The following PIGK variants were observed in gnomAD, a reference collection of about 807,000 sequenced individuals.
PIGK encodes the protein phosphatidylinositol glycan anchor biosynthesis class K, also known as GPI-anchor transamidase.
In PIGK, 42 loss-of-function variants were observed where a neutral mutation model predicts 50.6. That is an observed-to-expected ratio of 0.83 (90% CI 0.65 to 1.07). The LOEUF (loss-of-function observed/expected upper bound fraction) is 1.07, where lower values mean the gene tolerates loss of function less well. PIGK is among the 50% of genes least tolerant of loss of function. The pLI is 0.00. For synonymous variants in PIGK, 151 were observed against 156.0 expected, an observed-to-expected ratio of 0.97 and a Z score of 0.24; for missense variants, 448 against 488.7, an observed-to-expected ratio of 0.92 and a Z score of 0.78.
intron 9 of PIGK, among the ~76,000 whole-genome samples, chr1:77,136,706 T>C (rs1654527548): frequency 6.6e-6 from 1 of 152,224 alleles, no homozygotes; most frequent in South Asian, 2.1e-4. Flanking sequence ...TTTGTTGAAC[T>C]ACCTTCAAAA....
chr1:77,192,721 A>ATT (rs938138781), intron 3 of PIGK, among the ~76,000 whole-genome samples: 3 of 152,170 alleles, frequency 2.0e-5, no homozygotes, highest in African/African-American at 7.2e-5. Flanking sequence ...AGTGATTAAA[A>ATT]TTTAGTCACA....
At chr1:77,170,331 C>T (rs12569172) in intron 3 of PIGK, among the ~76,000 whole-genome samples, 26,649 of 152,190 alleles carry the variant, frequency 0.18, 2,529 homozygotes, top group East Asian at 0.36. Context: ...TATGCTACCT[C>T]CACACTGGCC....
chr1:77,147,126 C>T (rs1557805532), intron 9 of PIGK, among the ~76,000 whole-genome samples: 1 of 152,050 alleles, frequency 6.6e-6, no homozygotes, highest in Non-Finnish European at 1.5e-5. Context: ...AGGCAAAAGG[C>T]GCTTCTTACT....
At chr1:77,151,347 C>G (rs1654889682) in intron 9 of PIGK, among the ~76,000 whole-genome samples, 1 of 152,156 alleles carries the variant, frequency 6.6e-6, no homozygotes. Context: ...GAACATACAT[C>G]AACATGATAA....
chr1:77,146,617 G>A (rs2689682), intron 9 of PIGK, among the ~76,000 whole-genome samples: 23,705 of 152,036 alleles, frequency 0.16, 2,926 homozygotes, highest in African/African-American at 0.34. Flanking sequence ...GCAACACGGC[G>A]AAACCCCGTC....
intron 9 of PIGK, chr1:77,154,130 C>T (rs1654954433): frequency 2.5e-6 from 1 of 405,520 alleles, no homozygotes; most frequent in Non-Finnish European, 4.3e-6. Context: ...TACCAGGAGG[C>T]CTAACAGAAA....
At chr1:77,190,265 A>G (rs1779182) in intron 3 of PIGK, among the ~76,000 whole-genome samples, 6,384 of 151,854 alleles carry the variant, frequency 0.042, 352 homozygotes, top group African/African-American at 0.13. Flanking sequence ...GCTGATTGTG[A>G]TATCGCATGG....
At chr1:77,167,121 G>A (rs1655252019) in intron 4 of PIGK, among the ~76,000 whole-genome samples, 1 of 152,200 alleles carries the variant, frequency 6.6e-6, no homozygotes, top group South Asian at 2.1e-4. Context: ...CAAGAGGACT[G>A]CTTGTGGGCA....
intron 10 of PIGK, among the ~76,000 whole-genome samples, chr1:77,098,962 C>A (rs1299857912): frequency 6.6e-6 from 1 of 152,024 alleles, no homozygotes; most frequent in Non-Finnish European, 1.5e-5. Flanking sequence ...TGGAAAATAA[C>A]CCATTAACAT....
chr1:77,154,075 C>T, intron 9 of PIGK: 1 of 277,120 alleles, frequency 3.6e-6, no homozygotes, highest in Non-Finnish European at 6.6e-6. Context: ...AATTCACTCC[C>T]CAAGGCAGTA....
At chr1:77,104,352 TGAG>T (rs1410520461) in intron 10 of PIGK, among the ~76,000 whole-genome samples, 3 of 150,160 alleles carry the variant, frequency 2.0e-5, no homozygotes, top group Admixed American at 1.3e-4. Flanking sequence ...CATGAACACA[TGAG>T]GAGAGAAATA....
intron 3 of PIGK, among the ~76,000 whole-genome samples, chr1:77,178,708 C>T (rs1655542981): frequency 6.6e-6 from 1 of 152,168 alleles, no homozygotes; most frequent in South Asian, 2.1e-4. Context: ...TCCTGATAGT[C>T]ATAATAATAG....
intron 3 of PIGK, among the ~76,000 whole-genome samples, chr1:77,187,636 T>C (rs1199321980): frequency 2.6e-5 from 4 of 152,166 alleles, no homozygotes; most frequent in African/African-American, 7.2e-5. Context: ...AGGAAGAATA[T>C]GCATGGAATA....
In PIGK at chr1:77,092,395, C is replaced by T. The variant is rs1368686509; in HGVS notation, c.1167G>A (p.Lys389=). The T allele has an allele frequency of 6.3e-7, 1 of 1,579,358 alleles. No homozygotes were observed. The part of the protein sequence containing the change: ...IMVFFKTYGI[K]HMKFIF ...AAGTCTAAAAAATGAACTTCATATG[C>T]TTAATTCCATAAGTTTTGAAGAAAA... The change falls in exon 11 of 11, where the codon AAG becomes AAA. Residue 389 remains lysine, a synonymous_variant. Coordinates refer to ENST00000370812, the MANE Select transcript of PIGK (RefSeq NM_005482.3).
chr1:77,141,754 T>C (rs550526572), intron 9 of PIGK, among the ~76,000 whole-genome samples: 13 of 152,240 alleles, frequency 8.5e-5, no homozygotes, highest in African/African-American at 2.9e-4. Context: ...ACTATATTAA[T>C]TTAATAAAAG....
At chr1:77,197,096 C>T (rs1656055195) in intron 3 of PIGK, among the ~76,000 whole-genome samples, 3 of 152,018 alleles carry the variant, frequency 2.0e-5, no homozygotes, top group Non-Finnish European at 4.4e-5. Context: ...TAATGCTAAA[C>T]CAATGCAATC....
At chr1:77,135,533 T>G (rs1023266438) in intron 9 of PIGK, among the ~76,000 whole-genome samples, 1 of 152,080 alleles carries the variant, frequency 6.6e-6, no homozygotes, top group Admixed American at 6.5e-5. Context: ...TCTGTAGTTA[T>G]GCCTCTTTTT....
At chr1:77,173,765 C>T (rs1294873735) in intron 3 of PIGK, among the ~76,000 whole-genome samples, 1 of 152,216 alleles carries the variant, frequency 6.6e-6, no homozygotes, top group Non-Finnish European at 1.5e-5. Flanking sequence ...CATAAGCTCA[C>T]TATTAAAGAC....
intron 1 of PIGK, among the ~76,000 whole-genome samples, chr1:77,217,545 C>T (rs1656596880): frequency 6.6e-6 from 1 of 151,804 alleles, no homozygotes; most frequent in Admixed American, 6.6e-5. Context: ...TTAAGGTGAT[C>T]TTTTGAGCAA....
Sources: allele counts gnomAD v4.1 joint callset (sites outside exome capture counted in the v4.1 genomes callset), GRCh38; gene constraint gnomAD v4.1.1; transcripts MANE v1.5; gene names NCBI Gene and HGNC (gene_info 2026-07-23, HGNC 2026-07-21).